The following KIF16B variants were observed in gnomAD, a reference collection of about 807,000 sequenced individuals.
KIF16B encodes the protein kinesin-like protein KIF16B.
KIF16B carries 98 observed loss-of-function variants against 156.3 expected under a neutral mutation model. The ratio of observed to expected loss-of-function variants is 0.63; its 90% CI spans 0.53 to 0.74. The LOEUF (loss-of-function observed/expected upper bound fraction) is 0.74, where lower values mean the gene tolerates loss of function less well. KIF16B is among the 30% of genes least tolerant of loss of function. KIF16B has a pLI of 0.00. For missense variants in KIF16B, 1,421 were observed against 1,606.5 expected (o/e 0.88, Z 1.97); for synonymous variants, 564 against 583.7 (o/e 0.97, Z 0.49).
chr20:16,482,948 T>C (rs561899078), intron 12 of KIF16B, among the ~76,000 whole-genome samples: 2 of 152,254 alleles, frequency 1.3e-5, no homozygotes, highest in East Asian at 3.9e-4. Flanking sequence ...TCTCAATCAA[T>C]CAGGGTAACC....
chr20:16,361,387 T>C (rs895707106), intron 22 of KIF16B, among the ~76,000 whole-genome samples: 2 of 152,214 alleles, frequency 1.3e-5, no homozygotes, highest in Admixed American at 1.3e-4. Flanking sequence ...GCACAAATGA[T>C]GTATATGGTA....
intron 23 of KIF16B, among the ~76,000 whole-genome samples, chr20:16,338,941 G>T (rs2064091443): frequency 6.6e-6 from 1 of 152,094 alleles, no homozygotes; most frequent in African/African-American, 2.4e-5. Context: ...GGGAATAATG[G>T]GAAGAAATTG....
Position 16,508,094 on chromosome 20 carries a change from G to A in KIF16B, c.563C>T (p.Ser188Phe). Residue 188 changes from serine to phenylalanine, a missense_variant, in exon 7 of 26, where the codon TCC (serine) becomes TTC (phenylalanine). By Grantham distance (155) the Ser-to-Phe change is radical. Transcript: ENST00000354981. ...PKEGPYVEDL[S>F]KHLVQNYGDV... ...ACCATAATTCTGTACTAAATGTTTGGATAAATCTGAAAAAGAAAATGGAAG... is the reference window on the plus strand; with the variant it reads ...ACCATAATTCTGTACTAAATGTTTGAATAAATCTGAAAAAGAAAATGGAAG... 1 of 1,613,544 alleles carries A rather than the reference G, an allele frequency of 6.2e-7. No homozygotes were observed. The highest frequency in any genetic ancestry group is 1.7e-5 in the Admixed American group (1 of 59,938).
chr20:16,403,811 T>C (rs2065715812), intron 17 of KIF16B, among the ~76,000 whole-genome samples: 2 of 152,116 alleles, frequency 1.3e-5, no homozygotes, highest in Admixed American at 1.3e-4. Flanking sequence ...AAGGAGTGAA[T>C]GGCTTTCAGC....
intron 1 of KIF16B, among the ~76,000 whole-genome samples, chr20:16,557,636 A>G (rs906525933): frequency 3.9e-5 from 6 of 152,208 alleles, no homozygotes; most frequent in Non-Finnish European, 8.8e-5. Flanking sequence ...AAAATGAGCA[A>G]GTGGCAGACT....
chr20:16,503,791 A>C (rs1161253791), intron 10 of KIF16B, among the ~76,000 whole-genome samples: 1 of 152,194 alleles, frequency 6.6e-6, no homozygotes, highest in East Asian at 1.9e-4. Context: ...GCTTACTGAG[A>C]AAATCACAAA....
chr20:16,332,316 T>A (rs1175386943), intron 24 of KIF16B, among the ~76,000 whole-genome samples: 1 of 152,018 alleles, frequency 6.6e-6, no homozygotes, highest in African/African-American at 2.4e-5. Flanking sequence ...GAGAACCACA[T>A]GAGATGCACA....
chr20:16,328,398 T>C (rs2122871626), intron 24 of KIF16B, among the ~76,000 whole-genome samples: 1 of 152,312 alleles, frequency 6.6e-6, no homozygotes, highest in Middle Eastern at 3.4e-3. Flanking sequence ...ACATGAACTG[T>C]TCCATGTAGC....
At chr20:16,322,875 G>T (rs1248316114) in intron 24 of KIF16B, among the ~76,000 whole-genome samples, 1 of 152,004 alleles carries the variant, frequency 6.6e-6, no homozygotes, top group Non-Finnish European at 1.5e-5. Context: ...AAGTGCAGGT[G>T]GTCTTGGAGG....
chr20:16,319,455 A>G (rs895701936), intron 24 of KIF16B, among the ~76,000 whole-genome samples: 5 of 152,174 alleles, frequency 3.3e-5, no homozygotes, highest in South Asian at 2.1e-4. Context: ...TGACAAGAAA[A>G]AAGCTGAAAA....
chr20:16,559,444 T>C (rs1187960886), intron 1 of KIF16B, among the ~76,000 whole-genome samples: 3 of 152,162 alleles, frequency 2.0e-5, no homozygotes, highest in Non-Finnish European at 2.9e-5. Context: ...TAACTAAGAA[T>C]GTTTCACACA....
intron 12 of KIF16B, among the ~76,000 whole-genome samples, chr20:16,454,197 G>A (rs1041665020): frequency 2.0e-5 from 3 of 152,000 alleles, no homozygotes; most frequent in Non-Finnish European, 2.9e-5. Context: ...CTTTTTTGTA[G>A]CAAGTGTGGA....
chr20:16,350,896 G>C (rs975156239), intron 23 of KIF16B, among the ~76,000 whole-genome samples: 6 of 151,726 alleles, frequency 4.0e-5, no homozygotes, highest in Non-Finnish European at 8.8e-5. Flanking sequence ...GGGCACTGGG[G>C]GGGGGTCTGT....
intron 13 of KIF16B, 145 bp from the exon 14 acceptor site, chr20:16,429,149 C>G: frequency 1.4e-6 from 1 of 693,510 alleles, no homozygotes; most frequent in South Asian, 1.7e-5. Flanking sequence ...ATCGAGAGCT[C>G]CCCAAGGCTC....
At chr20:16,351,003 C>T (rs536894956) in intron 23 of KIF16B, among the ~76,000 whole-genome samples, 27 of 151,988 alleles carry the variant, frequency 1.8e-4, no homozygotes, top group Non-Finnish European at 3.4e-4. Context: ...GAAAGCAACA[C>T]GACTGTGAGC....
At chr20:16,402,664 A>G (rs928200873) in intron 17 of KIF16B, among the ~76,000 whole-genome samples, 3 of 152,188 alleles carry the variant, frequency 2.0e-5, no homozygotes, top group African/African-American at 7.2e-5. Context: ...GGCACAGGCT[A>G]GTCCACATGT....
At chr20:16,441,810 C>A (rs1309977439) in intron 12 of KIF16B, among the ~76,000 whole-genome samples, 1 of 152,170 alleles carries the variant, frequency 6.6e-6, no homozygotes, top group East Asian at 1.9e-4. Flanking sequence ...CAACCAACAC[C>A]TAACGACCAT....
At chr20:16,313,551 C>G (rs572643056) in intron 24 of KIF16B, among the ~76,000 whole-genome samples, 1 of 152,322 alleles carries the variant, frequency 6.6e-6, no homozygotes, top group East Asian at 1.9e-4. Flanking sequence ...ACACTGCCAG[C>G]ACCCCCAGAG....
At chr20:16,363,618 G>A (rs1001779859) in intron 22 of KIF16B, among the ~76,000 whole-genome samples, 2 of 152,122 alleles carry the variant, frequency 1.3e-5, no homozygotes, top group African/African-American at 2.4e-5. Context: ...CCAATGAGAT[G>A]TTAGCAGACA....
Sources: allele counts gnomAD v4.1 joint callset (sites outside exome capture counted in the v4.1 genomes callset), GRCh38; gene constraint gnomAD v4.1.1; transcripts MANE v1.5; gene names NCBI Gene and HGNC (gene_info 2026-07-23, HGNC 2026-07-21).